Variants in TBK1 observed in about 807,000 individuals in gnomAD.
TBK1 encodes TANK binding kinase 1.
TBK1 carries 37 observed loss-of-function variants against 99.9 expected under a neutral mutation model. That is an observed-to-expected ratio of 0.37 (90% CI 0.28 to 0.49). The LOEUF (loss-of-function observed/expected upper bound fraction) is 0.49, where lower values mean the gene tolerates loss of function less well. Ranked by LOEUF, TBK1 falls within the 20% of genes least tolerant of loss-of-function variation. The pLI, the probability that TBK1 is intolerant of heterozygous loss-of-function variation, is 0.98. For synonymous variants in TBK1, 258 were observed against 279.8 expected (o/e 0.92, Z 0.78); for missense variants, 644 against 872.5 (o/e 0.74, Z 3.30).
chr12:64,480,911 A>C (rs2040762187), intron 7 of TBK1, among the ~76,000 whole-genome samples: 1 of 152,162 alleles, frequency 6.6e-6, no homozygotes, highest in Non-Finnish European at 1.5e-5. Flanking sequence ...AAATAAATAA[A>C]TATATAAAAC....
intron 20 of TBK1, among the ~76,000 whole-genome samples, chr12:64,500,544 T>C (rs1343417362): frequency 6.6e-6 from 1 of 152,114 alleles, no homozygotes; most frequent in African/African-American, 2.4e-5. Context: ...ACTGATGTAA[T>C]CGTATGACTT....
intron 1 of TBK1, among the ~76,000 whole-genome samples, chr12:64,454,810 G>C (rs1427772082): frequency 1.3e-5 from 2 of 150,632 alleles, no homozygotes; most frequent in Non-Finnish European, 2.9e-5. Flanking sequence ...CCGAGTAGCT[G>C]GGTCTACAGG....
At chr12:64,461,200 A>G (rs1054765977) in intron 3 of TBK1, among the ~76,000 whole-genome samples, 1 of 151,752 alleles carries the variant, frequency 6.6e-6, no homozygotes, top group African/African-American at 2.4e-5. Context: ...AATTATAAAA[A>G]GAAAAAATCG....
At position 64,474,330 on chromosome 12, in the gene TBK1, C is replaced by T. The variant is rs764464788; in HGVS notation, c.641C>T (p.Ala214Val). ...AGCATTGGGGTAACATTTTACCATG[C>T]AGCTACTGGATCACTGCCATTTAGA... is the stretch of plus-strand genomic sequence containing the variant. ...LWSIGVTFYH[A>V]ATGSLPFRPF... The change falls in exon 6 of 21, where the codon GCA becomes GTA. Residue 214 changes from alanine to valine, a missense_variant. Transcript: ENST00000331710. 2.5e-6 allele frequency: 4 copies of T among 1,613,946 alleles called. No homozygotes were observed. The highest frequency in any genetic ancestry group is 3.4e-6 in the Non-Finnish European group (4 of 1,179,968).
chr12:64,466,828 CAAT>C, intron 4 of TBK1, 70 bp from the exon 5 acceptor site: 2 of 1,226,228 alleles, frequency 1.6e-6, no homozygotes, highest in Non-Finnish European at 2.1e-6. Context: ...GTGACTATAT[CAAT>C]GAATTTGAGA....
At chr12:64,491,951 T>C (rs1178136558) in intron 13 of TBK1, among the ~76,000 whole-genome samples, 2 of 152,212 alleles carry the variant, frequency 1.3e-5, no homozygotes, top group African/African-American at 4.8e-5. Flanking sequence ...TTCAGGTATA[T>C]ACACACTTTA....
chr12:64,481,787 C>A (rs534626168), intron 7 of TBK1, 55 bp from the exon 8 acceptor site: 48 of 1,253,236 alleles, frequency 3.8e-5, no homozygotes, highest in Non-Finnish European at 4.9e-5. Context: ...GATTTTTTAA[C>A]CTAGACAGAA....
intron 5 of TBK1, among the ~76,000 whole-genome samples, chr12:64,472,005 G>T (rs996849514): frequency 2.6e-5 from 4 of 151,910 alleles, no homozygotes; most frequent in Non-Finnish European, 5.9e-5. Context: ...GGTACTTTTG[G>T]CCTCTTCATG....
At chr12:64,455,764 C>T (rs1452010143) in intron 1 of TBK1, 76 bp from the exon 2 acceptor site, 6 of 718,406 alleles carry the variant, frequency 8.4e-6, no homozygotes, top group Non-Finnish European at 1.2e-5. Flanking sequence ...TTACTTGAGA[C>T]TAAAAACAGC....
intron 13 of TBK1, among the ~76,000 whole-genome samples, chr12:64,491,438 T>C (rs560739915): frequency 6.6e-6 from 1 of 152,116 alleles, no homozygotes; most frequent in African/African-American, 2.4e-5. Context: ...CTGGGCAACA[T>C]GATGAAACCC....
At position 64,493,021 on chromosome 12, in the gene TBK1, G is replaced by A. The variant is rs562297482; in HGVS notation, c.1522-2462G>A. ...CGCCATTCTCCTGCCTCAGCCTCCC[G>A]AGTAGCTGGGACTACAGGCTTCCAC... On this transcript the variant is annotated intron_variant, in intron 13 of 20. Transcript: ENST00000331710. Among the ~76,000 whole-genome samples the A allele has an allele frequency of 7.4e-5, 11 of 148,680 alleles. 1 individual carries two copies. The South Asian group carries it at 1.9e-3, about 26-fold the overall frequency.
At chr12:64,485,592 G>GC in intron 10 of TBK1, 79 bp downstream of exon 10, 1 of 691,202 alleles carries the variant, frequency 1.4e-6, no homozygotes, top group Non-Finnish European at 2.4e-6. Context: ...AACATGTATT[G>GC]TGTCTTCATG....
intron 1 of TBK1, chr12:64,452,497 C>T (rs1358889197): frequency 2.6e-5 from 4 of 152,274 alleles, no homozygotes; most frequent in African/African-American, 7.2e-5. Context: ...GCATCCCGTC[C>T]GGCGGCTTTG....
chr12:64,466,295 TGTCA>T (rs2040602527), intron 4 of TBK1, among the ~76,000 whole-genome samples: 1 of 152,188 alleles, frequency 6.6e-6, no homozygotes, highest in Admixed American at 6.5e-5. Flanking sequence ...TCAGTGACAC[TGTCA>T]GTTAGACAAA....
At chr12:64,476,073 A>C (rs1237831032) in intron 6 of TBK1, among the ~76,000 whole-genome samples, 1 of 149,258 alleles carries the variant, frequency 6.7e-6, no homozygotes, top group Admixed American at 6.7e-5. Context: ...GTGAGATGGT[A>C]TCTCATTGCA....
In TBK1 at chr12:64,496,036, T is replaced by C; in HGVS notation, c.1720+261T>C. The C allele has an allele frequency of 1.3e-5, 5 of 398,978 alleles. No homozygotes were observed. The South Asian group carries it at 1.6e-4, about 13-fold the overall frequency. The allele number at this position is 398,978 out of a possible 1,614,324, so 24.7% of individuals were successfully genotyped here. On this transcript the variant is annotated intron_variant, in intron 15 of 20. Transcript: ENST00000331710. ...AGGCAGGTAACAGAAAGGAATGAGA[T>C]TGGCCAGTGGGGACTCATCTACAGG...
chr12:64,476,880 C>T (rs1046741948), intron 6 of TBK1, among the ~76,000 whole-genome samples: 1 of 152,148 alleles, frequency 6.6e-6, no homozygotes, highest in Non-Finnish European at 1.5e-5. Context: ...TTTTATTCTG[C>T]ATATGGTTAG....
Position 64,482,009 on chromosome 12 carries a change from A to G in TBK1, c.980A>G (p.His327Arg), listed in dbSNP as rs1474427910. ...QQMTAHKIYI[H>R]SYNTATIFHE... Reference sequence around the variant, plus strand: ...ATGACAGCTCATAAGATTTATATTCATAGCTATAATACGTAAGTATCTCTA... The same window carrying G: ...ATGACAGCTCATAAGATTTATATTCGTAGCTATAATACGTAAGTATCTCTA... The change falls in exon 8 of 21, where the codon CAT (histidine) becomes CGT (arginine). Residue 327 changes from histidine (H) to arginine (R), a missense_variant. Coordinates refer to ENST00000331710, the MANE Select transcript of TBK1 (RefSeq NM_013254.4). 5 of 1,561,990 alleles carry G rather than the reference A, an allele frequency of 3.2e-6. No homozygotes were observed. Among genetic ancestry groups the G allele is most frequent in the Non-Finnish European group, 3.5e-6 (4 of 1,151,164 alleles).
intron 20 of TBK1, among the ~76,000 whole-genome samples, chr12:64,498,647 T>C (rs2040954253): frequency 1.3e-5 from 2 of 152,218 alleles, no homozygotes; most frequent in Admixed American, 1.3e-4. Context: ...CAAACGCTTG[T>C]AATGCTAATA....
Sources: allele counts gnomAD v4.1 joint callset (sites outside exome capture counted in the v4.1 genomes callset), GRCh38; gene constraint gnomAD v4.1.1; transcripts MANE v1.5; gene names NCBI Gene and HGNC (gene_info 2026-07-23, HGNC 2026-07-21).